HS2ST1: variants seen among roughly 807,000 people sequenced by gnomAD.
HS2ST1 encodes heparan sulfate 2-O-sulfotransferase 1.
A neutral mutation model predicts 42.9 loss-of-function variants in HS2ST1; 18 were observed. The ratio of observed to expected loss-of-function variants is 0.42; its 90% confidence interval spans 0.29 to 0.62. The LOEUF (loss-of-function observed/expected upper bound fraction) is 0.62, where lower values mean the gene tolerates loss of function less well. Among genes scored for constraint, HS2ST1 ranks in the 20% least tolerant of loss-of-function variants. The pLI is 0.21. For synonymous variants in HS2ST1, 146 were observed against 152.9 expected, an observed-to-expected ratio of 0.95 and a Z score of 0.33; for missense variants, 334 against 433.8, an observed-to-expected ratio of 0.77 and a Z score of 2.04.
rs1402899624 is a variant in HS2ST1, at chr1:87,107,079, C to CA, written c.*2388dup. 1.3e-5 allele frequency: 2 copies of CA among 152,026 alleles called. No homozygotes were observed. The highest frequency in any genetic ancestry group is 4.8e-5 in the African/African-American group (2 of 41,426). 9.4% of individuals were successfully genotyped at this position (152,026 alleles called of 1,614,324 possible). ...TTATGTTCCAATAAAACTTTATTTA[C>CA]AAAAACAGATGACATCCCAGATGCA... On this transcript the variant is annotated 3_prime_UTR_variant, in exon 7 of 7. Coordinates refer to ENST00000370550, the MANE Select transcript of HS2ST1 (RefSeq NM_012262.4).
intron 1 of HS2ST1, among the ~76,000 whole-genome samples, chr1:87,002,747 G>GAA (rs1175443662): frequency 1.3e-5 from 2 of 151,520 alleles, no homozygotes; most frequent in African/African-American, 4.9e-5. Flanking sequence ...CCCCCCCGCT[G>GAA]ACTACCTTGT....
At chr1:86,993,017 G>A in intron 1 of HS2ST1, 1 of 1,543,306 alleles carries the variant, frequency 6.5e-7, no homozygotes, top group Non-Finnish European at 8.8e-7. Flanking sequence ...AGTGTGGGGA[G>A]GGTACCTCTC....
At chr1:87,100,512 T>C (rs921131138) in intron 5 of HS2ST1, among the ~76,000 whole-genome samples, 1 of 152,228 alleles carries the variant, frequency 6.6e-6, no homozygotes, top group Non-Finnish European at 1.5e-5. Flanking sequence ...GAAATGCCTT[T>C]GAGGCCTTTT....
intron 3 of HS2ST1, among the ~76,000 whole-genome samples, chr1:87,087,631 AT>A (rs897304494): frequency 1.6e-4 from 24 of 152,238 alleles, no homozygotes; most frequent in African/African-American, 5.3e-4. Context: ...GAATTAGTTA[AT>A]ATATAGAGTC....
chr1:86,985,435 CATATAT>C lies in HS2ST1; in HGVS notation c.124+70277_124+70282del, dbSNP rs1557504799. ...ACATATATATACACATATATACACA[CATATAT>C]ACACATATATACACACATATATACA... On this transcript the variant is annotated intron_variant, in intron 1 of 6. Transcript: ENST00000370550. Among the ~76,000 whole-genome samples, 162 of 53,002 alleles carry C rather than the reference CATATAT, an allele frequency of 3.1e-3. 20 individuals carry two copies. The highest frequency in any genetic ancestry group is 7.3e-3 in the Admixed American group (25 of 3,432). The allele number at this position is 53,002 out of a possible 152,430, so 34.8% of individuals were successfully genotyped here. A position where few individuals can be genotyped will look rare whatever the true frequency, so the allele number is the denominator to read the frequency against.
intron 1 of HS2ST1, among the ~76,000 whole-genome samples, chr1:86,915,374 C>T (rs1413901960): frequency 2.0e-5 from 3 of 152,124 alleles, no homozygotes; most frequent in Admixed American, 6.5e-5. Context: ...GGTCACGGGG[C>T]AGAGGTTGCA....
chr1:87,056,672 T>C (rs1264346154), intron 1 of HS2ST1, among the ~76,000 whole-genome samples: 2 of 152,196 alleles, frequency 1.3e-5, no homozygotes, highest in Non-Finnish European at 2.9e-5. Context: ...TTCTCTGAGA[T>C]TGGTGGTGTT....
intron 1 of HS2ST1, among the ~76,000 whole-genome samples, chr1:86,989,152 CAGAA>C (rs1648874175): frequency 6.6e-6 from 1 of 152,282 alleles, no homozygotes; most frequent in South Asian, 2.1e-4. Context: ...AGCTAAAAGA[CAGAA>C]AGGTGTATTT....
intron 1 of HS2ST1, among the ~76,000 whole-genome samples, chr1:86,926,646 A>G (rs1660428393): frequency 6.6e-6 from 1 of 152,206 alleles, no homozygotes; most frequent in African/African-American, 2.4e-5. Context: ...AGGGGTAGAA[A>G]CTGGGTGAAT....
intron 2 of HS2ST1, 138 bp from the exon 3 acceptor site, chr1:87,084,056 T>C (rs565929122): frequency 3.7e-5 from 19 of 519,416 alleles, no homozygotes; most frequent in African/African-American, 2.9e-4. Flanking sequence ...TACAGTATAC[T>C]TTCCTTAGTC....
intron 1 of HS2ST1, among the ~76,000 whole-genome samples, chr1:87,060,308 A>G (rs1164437376): frequency 1.3e-5 from 2 of 152,196 alleles, no homozygotes; most frequent in Non-Finnish European, 2.9e-5. Flanking sequence ...AATAAAATAT[A>G]TCAAATAATT....
chr1:86,931,163 A>C (rs1213480056), intron 1 of HS2ST1, among the ~76,000 whole-genome samples: 1 of 152,072 alleles, frequency 6.6e-6, no homozygotes, highest in Admixed American at 6.5e-5. Context: ...AATGTAGTCA[A>C]AAGTTGGCAA....
intron 1 of HS2ST1, among the ~76,000 whole-genome samples, chr1:86,951,762 A>G (rs971418466): frequency 2.6e-5 from 4 of 152,222 alleles, no homozygotes; most frequent in African/African-American, 7.2e-5. Context: ...AATTCCTTCA[A>G]AATTGGAGTC....
chr1:87,055,056 G>T (rs1457177608), intron 1 of HS2ST1, among the ~76,000 whole-genome samples: 1 of 152,032 alleles, frequency 6.6e-6, no homozygotes, highest in African/African-American at 2.4e-5. Flanking sequence ...AATTCATGGG[G>T]CTGGGAGGGA....
At chr1:87,026,453 A>G (rs1036470736) in intron 1 of HS2ST1, among the ~76,000 whole-genome samples, 17 of 152,204 alleles carry the variant, frequency 1.1e-4, no homozygotes, top group Admixed American at 2.6e-4. Flanking sequence ...AATACCTTTA[A>G]AATATTTTGG....
At chr1:86,936,356 A>G (rs1359038112) in intron 1 of HS2ST1, among the ~76,000 whole-genome samples, 1 of 152,118 alleles carries the variant, frequency 6.6e-6, no homozygotes, top group Non-Finnish European at 1.5e-5. Context: ...TAGATTTCCA[A>G]ATTATACTTT....
intron 1 of HS2ST1, among the ~76,000 whole-genome samples, chr1:87,071,801 G>A (rs557952416): frequency 6.6e-6 from 1 of 151,786 alleles, no homozygotes; most frequent in African/African-American, 2.4e-5. Flanking sequence ...CAATTGAGTT[G>A]AAATGTAAAG....
intron 1 of HS2ST1, among the ~76,000 whole-genome samples, chr1:86,921,542 G>T (rs1203743128): frequency 1.3e-5 from 2 of 152,008 alleles, no homozygotes; most frequent in Non-Finnish European, 2.9e-5. Flanking sequence ...AGGTGATGAG[G>T]GCTCTCCCCT....
chr1:87,000,564 A>C (rs1029477519), intron 1 of HS2ST1, among the ~76,000 whole-genome samples: 2 of 152,188 alleles, frequency 1.3e-5, no homozygotes, highest in African/African-American at 4.8e-5. Flanking sequence ...GTTTTAACGC[A>C]AAAGACTTCC....
Sources: gnomAD v4.1 joint callset for allele counts (sites outside exome capture counted in the v4.1 genomes callset) on GRCh38, gnomAD v4.1.1 for gene constraint, MANE v1.5 for transcripts, NCBI Gene and HGNC (gene_info 2026-07-23, HGNC 2026-07-21) for gene names.